Variants in MACROD2 observed in about 807,000 individuals in gnomAD.
MACROD2 encodes mono-ADP ribosylhydrolase 2, also known as ADP-ribose glycohydrolase MACROD2.
Under a neutral mutation model 70.4 loss-of-function variants are expected in MACROD2, and 36 were observed. The ratio of observed to expected loss-of-function variants is 0.51; its 90% CI spans 0.39 to 0.68. The LOEUF (loss-of-function observed/expected upper bound fraction) is 0.68, where lower values mean the gene tolerates loss of function less well. Among genes scored for constraint, MACROD2 ranks in the 30% least tolerant of loss-of-function variants. MACROD2 has a pLI of 0.00. For synonymous variants in MACROD2, 172 were observed against 178.8 expected (o/e 0.96, Z 0.30); for missense variants, 496 against 538.4 (o/e 0.92, Z 0.78).
chr20:14,079,415 AT>A (rs1212242201), intron 2 of MACROD2, among the ~76,000 whole-genome samples: 3 of 152,148 alleles, frequency 2.0e-5, no homozygotes, highest in African/African-American at 7.2e-5. Context: ...AAATAAGATA[AT>A]TTTTATGGTT....
At chr20:14,508,956 A>G (rs572869730) in intron 4 of MACROD2, among the ~76,000 whole-genome samples, 69 of 152,308 alleles carry the variant, frequency 4.5e-4, no homozygotes, top group Non-Finnish European at 1.6e-4. Context: ...TAAATGTTCA[A>G]TAGTAGGGGA....
intron 3 of MACROD2, among the ~76,000 whole-genome samples, chr20:14,420,271 C>T (rs2083860300): frequency 1.3e-5 from 2 of 151,642 alleles, no homozygotes. Context: ...CTATGTTTAA[C>T]TTTTTTGAGG....
At chr20:14,793,337 C>T (rs1252398625) in intron 5 of MACROD2, among the ~76,000 whole-genome samples, 1 of 152,040 alleles carries the variant, frequency 6.6e-6, no homozygotes, top group African/African-American at 2.4e-5. Flanking sequence ...CGGACTGTGT[C>T]CTCAAAGGAG....
chr20:15,812,476 C>T (rs1001530021), intron 8 of MACROD2, among the ~76,000 whole-genome samples: 6 of 151,898 alleles, frequency 4.0e-5, no homozygotes, highest in East Asian at 1.9e-4. Flanking sequence ...AAAGAAGGCC[C>T]GGAAGGGAGC....
intron 5 of MACROD2, among the ~76,000 whole-genome samples, chr20:14,694,991 G>A (rs2071105897): frequency 6.6e-6 from 1 of 152,162 alleles, no homozygotes; most frequent in Non-Finnish European, 1.5e-5. Flanking sequence ...GAGTATGTCA[G>A]AATAATGGGA....
At position 14,657,973 on chromosome 20, in the gene MACROD2, T is replaced by TA. The variant is rs71753036; in HGVS notation, c.302-26854dup. On this transcript the variant is annotated intron_variant, in intron 4 of 17. Coordinates refer to ENST00000684519, the MANE Select transcript of MACROD2 (RefSeq NM_001351661.2). ...TTTTCCAAGACAGTATGGACATAGTTAAAAAAAAAAAAAAAAGACGAAAGA... is the reference window on the plus strand; with the variant it reads ...TTTTCCAAGACAGTATGGACATAGTTAAAAAAAAAAAAAAAAAGACGAAAGA... Among the ~76,000 whole-genome samples, 1,119 of 134,938 alleles carry TA rather than the reference T, an allele frequency of 8.3e-3. 11 individuals carry two copies. The highest frequency in any genetic ancestry group is 0.023 in the African/African-American group (863 of 37,828). The allele number at this position is 134,938 out of a possible 152,430, so 88.5% of individuals were successfully genotyped here.
chr20:14,784,054 A>G (rs117327325), intron 5 of MACROD2, among the ~76,000 whole-genome samples: 1 of 152,252 alleles, frequency 6.6e-6, no homozygotes, highest in East Asian at 1.9e-4. Context: ...TGGTAAAGGC[A>G]GGGGGATGTG....
chr20:15,376,888 T>C (rs534508640), intron 6 of MACROD2, among the ~76,000 whole-genome samples: 1 of 152,254 alleles, frequency 6.6e-6, no homozygotes, highest in South Asian at 2.1e-4. Flanking sequence ...GTTCTATTCT[T>C]ATTTTTTATT....
intron 4 of MACROD2, among the ~76,000 whole-genome samples, chr20:14,682,789 A>G (rs1028786463): frequency 2.0e-5 from 3 of 152,230 alleles, no homozygotes; most frequent in Admixed American, 1.3e-4. Flanking sequence ...TAATAATTTC[A>G]TGTAATAAAT....
At chr20:14,034,265 C>T (rs942697394) in intron 2 of MACROD2, among the ~76,000 whole-genome samples, 10 of 152,188 alleles carry the variant, frequency 6.6e-5, no homozygotes, top group Admixed American at 2.0e-4. Flanking sequence ...TGAGCCACCG[C>T]GTCCAGCCCC....
intron 6 of MACROD2, among the ~76,000 whole-genome samples, chr20:15,354,338 C>G (rs539987284): frequency 2.0e-5 from 3 of 151,560 alleles, no homozygotes; most frequent in Non-Finnish European, 4.4e-5. Flanking sequence ...CATCACACAC[C>G]GGGGCCTGTT....
intron 10 of MACROD2, among the ~76,000 whole-genome samples, chr20:15,904,247 G>C (rs2065109450): frequency 6.6e-6 from 1 of 151,966 alleles, no homozygotes; most frequent in Admixed American, 6.6e-5. Flanking sequence ...TCGAACTTCT[G>C]AACTCAAGCG....
intron 7 of MACROD2, among the ~76,000 whole-genome samples, chr20:15,433,918 C>T (rs964682933): frequency 6.6e-6 from 1 of 151,964 alleles, no homozygotes; most frequent in African/African-American, 2.4e-5. Context: ...TGATCTTCAA[C>T]AAAGCATACA....
intron 5 of MACROD2, among the ~76,000 whole-genome samples, chr20:14,794,894 T>C (rs1452403861): frequency 6.6e-6 from 1 of 151,966 alleles, no homozygotes; most frequent in African/African-American, 2.4e-5. Context: ...CTGAGTTATT[T>C]TGGGGAGTGT....
At chr20:14,591,210 T>G (rs1040001178) in intron 4 of MACROD2, among the ~76,000 whole-genome samples, 9 of 152,194 alleles carry the variant, frequency 5.9e-5, no homozygotes, top group African/African-American at 2.2e-4. Flanking sequence ...TTGAATAGTT[T>G]AGTGCCATTG....
chr20:14,837,220 C>T (rs940042185), intron 5 of MACROD2, among the ~76,000 whole-genome samples: 5 of 151,894 alleles, frequency 3.3e-5, no homozygotes, highest in African/African-American at 4.8e-5. Context: ...CTGACATGAA[C>T]TTTGTCTTTC....
At chr20:15,847,450 G>C (rs545578168) in intron 8 of MACROD2, among the ~76,000 whole-genome samples, 1 of 152,282 alleles carries the variant, frequency 6.6e-6, no homozygotes, top group African/African-American at 2.4e-5. Flanking sequence ...CGCAAATAAA[G>C]CATCGTTTTC....
intron 4 of MACROD2, among the ~76,000 whole-genome samples, chr20:14,680,096 A>G (rs950888443): frequency 2.6e-5 from 4 of 152,218 alleles, no homozygotes; most frequent in African/African-American, 7.2e-5. Flanking sequence ...AGTTATTCAC[A>G]TGGGAAACCA....
chr20:14,575,034 AAAAAAAAAT>A lies in MACROD2; in HGVS notation c.301+81528_301+81536del, dbSNP rs775326516. On this transcript the variant is annotated intron_variant, in intron 4 of 17. Transcript: ENST00000684519. ...CTCTGTCTCAAAAAAAAAAAAAAAA[AAAAAAAAAT>A]ATTCACAAAGTTTTTGGTCTCTGCA... Among the ~76,000 whole-genome samples, 1,152 of 138,518 alleles carry A rather than the reference AAAAAAAAAT, an allele frequency of 8.3e-3. 21 individuals carry two copies. Among genetic ancestry groups the A allele is most frequent in the Middle Eastern group, 0.014 (4 of 280 alleles). The allele number at this position is 138,518 out of a possible 152,430, so 90.9% of individuals were successfully genotyped here.
Sources: allele counts gnomAD v4.1 joint callset (sites outside exome capture counted in the v4.1 genomes callset), GRCh38; gene constraint gnomAD v4.1.1; transcripts MANE v1.5; gene names NCBI Gene and HGNC (gene_info 2026-07-23, HGNC 2026-07-21).